The following KARS1 variants were observed in gnomAD, a reference collection of about 807,000 sequenced individuals.
KARS1 encodes lysine--tRNA ligase.
KARS1 carries 50 observed loss-of-function variants against 63.9 expected under a neutral mutation model. That is an observed-to-expected ratio of 0.78 (90% CI 0.62 to 0.99). The LOEUF is 0.99. KARS1 is among the 50% of genes least tolerant of loss of function. The probability of loss-of-function intolerance (pLI) is 0.00; values close to 1 mark genes in which losing one functional copy is unlikely to be tolerated. For synonymous variants in KARS1, 320 were observed against 264.6 expected, an observed-to-expected ratio of 1.21 and a Z score of -2.03; for missense variants, 816 against 754.5, an observed-to-expected ratio of 1.08 and a Z score of -0.95.
At chr16:75,642,576 A>T (rs1200746824) in intron 1 of KARS1, among the ~76,000 whole-genome samples, 1 of 151,836 alleles carries the variant, frequency 6.6e-6, no homozygotes, top group African/African-American at 2.4e-5. Context: ...CTCCCCTAAG[A>T]GTGAGTTAGG....
In KARS1 at chr16:75,629,527, T is replaced by C; in HGVS notation, c.1439A>G (p.Glu480Gly). Residue 480 changes from glutamate (E) to glycine (G), a missense_variant, in exon 12 of 14, where the codon GAG becomes GGG. Transcript: ENST00000302445. ...SPLAKWHRSK[E>G]GLTERFELFV... Reference sequence around the variant, plus strand: ...CAGCTCAAAGCGCTCAGTCAGACCCTCTTTAGAGCGGTGCCTAGGGACAGG... The same window carrying C: ...CAGCTCAAAGCGCTCAGTCAGACCCCCTTTAGAGCGGTGCCTAGGGACAGG... 1 of 1,614,100 alleles carries C rather than the reference T, an allele frequency of 6.2e-7. No individual in the cohort carries two copies.
rs146588850 is a variant in KARS1, at chr16:75,631,208, T to C, written c.1298A>G (p.Glu433Gly). ...GGCTGTGGTCCGAGGTGGAGGGCAT[T>C]CAACAGCTTTTGCCACACAGATATC... Reference protein sequence around the residue: ...LDDICVAKAVECPPPRTTARL... With the variant: ...LDDICVAKAVGCPPPRTTARL... The change falls in exon 10 of 14, where the codon GAA (glutamate) becomes GGA (glycine). Residue 433 changes from glutamate to glycine, a missense_variant. Coordinates refer to ENST00000302445, the MANE Select transcript of KARS1 (RefSeq NM_005548.3). 2 of 1,613,964 alleles carry C rather than the reference T, an allele frequency of 1.2e-6. No individual in the cohort carries two copies. Among genetic ancestry groups the C allele is most frequent in the African/African-American group, 2.7e-5 (2 of 74,916 alleles).
At chr16:75,628,145 A>C in intron 13 of KARS1, 152 bp from the exon 14 acceptor site, 1 of 691,844 alleles carries the variant, frequency 1.4e-6, no homozygotes, top group East Asian at 2.7e-5. Context: ...TTTTATTTCA[A>C]CTCAGACCCT....
chr16:75,647,363 A>T (rs905271229), intron 1 of KARS1: 6 of 642,248 alleles, frequency 9.3e-6, no homozygotes, highest in Non-Finnish European at 1.7e-5. Context: ...GATAGGGAGC[A>T]TCCCGCCGGT....
At chr16:75,629,630 C>G in intron 11 of KARS1, 89 bp from the exon 12 acceptor site, 1 of 1,376,916 alleles carries the variant, frequency 7.3e-7, no homozygotes, top group Non-Finnish European at 1.0e-6. Flanking sequence ...GACGGAGTCT[C>G]GCTCTGTCAC....
chr16:75,630,324 C>G (rs1186825160), intron 11 of KARS1, 99 bp downstream of exon 11: 1 of 781,920 alleles, frequency 1.3e-6, no homozygotes, highest in African/African-American at 1.7e-5. Flanking sequence ...CACCACCCAG[C>G]AGAAAGACCA....
intron 11 of KARS1, among the ~76,000 whole-genome samples, chr16:75,629,893 T>C (rs1277580411): frequency 2.0e-5 from 3 of 152,252 alleles, no homozygotes; most frequent in East Asian, 1.9e-4. Context: ...GAAGCCTGCA[T>C]GCAGTCTCAG....
rs1015757828 is a variant in KARS1, at chr16:75,638,543, G to A, written c.388+1641C>T. On this transcript the variant is annotated intron_variant, in intron 3 of 13. Transcript: ENST00000302445. ...ATGAGCTGAAAGACATGAAGAAAAA[G>A]ACGCAAAACATGAAAGAACACAAAT... Among the ~76,000 whole-genome samples, 6 of 152,198 alleles carry A rather than the reference G, an allele frequency of 3.9e-5. No individual in the cohort carries two copies. In the East Asian group the frequency reaches 7.7e-4, roughly 20 times the overall value.
chr16:75,629,826 AC>A (rs2082092150), intron 11 of KARS1, among the ~76,000 whole-genome samples: 1 of 152,198 alleles, frequency 6.6e-6, no homozygotes, highest in South Asian at 2.1e-4. Flanking sequence ...TAACGATCAA[AC>A]ATCTAATACA....
chr16:75,647,336 C>G (rs1311598564), intron 1 of KARS1: 9 of 607,064 alleles, frequency 1.5e-5, no homozygotes, highest in Admixed American at 8.5e-5. Context: ...TCCACAGTCT[C>G]TTAACTCTAG....
At chr16:75,628,469 A>C in intron 13 of KARS1, 100 bp downstream of exon 13, 1 of 1,383,114 alleles carries the variant, frequency 7.2e-7, no homozygotes, top group Admixed American at 1.7e-5. Flanking sequence ...TTCCCAGCCC[A>C]AAGCCCTTCC....
At chr16:75,632,126 G>A in intron 7 of KARS1, among the ~76,000 whole-genome samples, 1 of 152,100 alleles carries the variant, frequency 6.6e-6, no homozygotes, top group South Asian at 2.1e-4. Context: ...CCGACCTCAG[G>A]TGATCTGCCT....
chr16:75,641,789 G>T, intron 1 of KARS1, 66 bp from the exon 2 acceptor site: 1 of 1,547,584 alleles, frequency 6.5e-7, no homozygotes, highest in Non-Finnish European at 8.9e-7. Flanking sequence ...TCTGCCCCTA[G>T]CAACTTATCA....
chr16:75,646,533 C>G lies in KARS1; in HGVS notation c.62+1045G>C, dbSNP rs542559435. Among the ~76,000 whole-genome samples, 30 of 150,338 alleles carry G rather than the reference C, an allele frequency of 2.0e-4. No homozygotes were observed. The South Asian group carries it at 6.3e-3, about 32-fold the overall frequency. On this transcript the variant is annotated intron_variant, in intron 1 of 13. Coordinates refer to ENST00000302445, the MANE Select transcript of KARS1 (RefSeq NM_005548.3). ...TCCAGCCTGGCGACAGAGCGAGACT[C>G]CATCTTAAAAAAAAAAAAAAAGAAA... is the stretch of plus-strand genomic sequence containing the variant.
At chr16:75,635,323 G>A (rs148347819) in intron 6 of KARS1, 339 of 326,128 alleles carry the variant, frequency 1.0e-3, no homozygotes, top group African/African-American at 6.9e-3. Context: ...AGCACTTTCA[G>A]TTTTGCTTCT....
intron 1 of KARS1, chr16:75,644,602 T>G: frequency 1.8e-6 from 1 of 545,358 alleles, no homozygotes; most frequent in Non-Finnish European, 3.2e-6. Flanking sequence ...TCTTAACTGA[T>G]AGCAACCCTG....
intron 7 of KARS1, among the ~76,000 whole-genome samples, chr16:75,633,008 C>G (rs549374621): frequency 6.6e-6 from 1 of 152,268 alleles, no homozygotes; most frequent in African/African-American, 2.4e-5. Context: ...ACCTTTCAGC[C>G]AGATGGCCCT....
At chr16:75,636,873 G>T (rs1399585230) in intron 3 of KARS1, among the ~76,000 whole-genome samples, 1 of 151,036 alleles carries the variant, frequency 6.6e-6, no homozygotes, top group Non-Finnish European at 1.5e-5. Flanking sequence ...CTCCTGGGCT[G>T]AAGTGATCCA....
intron 3 of KARS1, chr16:75,639,779 A>AT (rs761047261): frequency 0.046 from 7,266 of 158,060 alleles, 126 homozygotes; most frequent in African/African-American, 0.051. Flanking sequence ...AAAAGATGTG[A>AT]TTTTTTTTTT....
Sources: allele counts gnomAD v4.1 joint callset (sites outside exome capture counted in the v4.1 genomes callset), GRCh38; gene constraint gnomAD v4.1.1; transcripts MANE v1.5; gene names NCBI Gene and HGNC (gene_info 2026-07-23, HGNC 2026-07-21).